Variants in G6PC1 observed in about 807,000 individuals in gnomAD.
The protein encoded by G6PC1 is glucose-6-phosphatase catalytic subunit 1.
A neutral mutation model predicts 30.4 loss-of-function variants in G6PC1; 23 were observed. The observed-to-expected ratio is 0.76, with a 90% CI of 0.55 to 1.07. The LOEUF (loss-of-function observed/expected upper bound fraction) is 1.07. Ranked by LOEUF, G6PC1 falls within the 50% of genes least tolerant of loss-of-function variation. The pLI is 0.00. For synonymous variants in G6PC1, 163 were observed against 175.6 expected, an observed-to-expected ratio of 0.93 and a Z score of 0.57; for missense variants, 391 against 433.9, an observed-to-expected ratio of 0.90 and a Z score of 0.88.
intron 1 of G6PC1, 54 bp downstream of exon 1, chr17:42,901,160 C>T (rs1597986964): frequency 4.8e-6 from 7 of 1,463,166 alleles, no homozygotes; most frequent in Admixed American, 3.3e-5. Context: ...CATTCGCTCT[C>T]GCAATGTCTG....
At chr17:42,901,218 C>G in intron 1 of G6PC1, 112 bp downstream of exon 1, 1 of 888,530 alleles carries the variant, frequency 1.1e-6, no homozygotes, top group Non-Finnish European at 1.9e-6. Flanking sequence ...CCACGGGCTA[C>G]TCATGCTTCC....
chr17:42,909,159 T>C lies in G6PC1; in HGVS notation c.447-144T>C, dbSNP rs902541859. 13 of 769,386 alleles carry C rather than the reference T, an allele frequency of 1.7e-5. No individual in the cohort carries two copies. In the African/African-American group the frequency reaches 2.2e-4, roughly 13 times the overall value. 47.7% of individuals were successfully genotyped at this position (769,386 alleles called of 1,614,324 possible). ...GCACCCAGCCCCCAACAGGCATCTT[T>C]GGACTTTTGAGTACTGGCTTTAATT... On this transcript the variant is annotated intron_variant, in intron 3 of 4. Transcript: ENST00000253801.
chr17:42,911,588 T>G lies in G6PC1; in HGVS notation c.*162T>G. ...ATGGCAGATTGGAGGGTCGCCTGGC[T>G]TATTCCCATGTGTGACTCCAGCCTG... On this transcript the variant is annotated 3_prime_UTR_variant, in exon 5 of 5. Coordinates refer to ENST00000253801, the MANE Select transcript of G6PC1 (RefSeq NM_000151.4). 4.8e-6 allele frequency: 5 copies of G among 1,048,494 alleles called. No individual in the cohort carries two copies. The highest frequency in any genetic ancestry group is 7.0e-6 in the Non-Finnish European group (5 of 711,778). 64.9% of individuals were successfully genotyped at this position (1,048,494 alleles called of 1,614,324 possible). A position where few individuals can be genotyped will look rare whatever the true frequency, so the allele number is the denominator to read the frequency against.
At chr17:42,910,783 C>T in intron 4 of G6PC1, 132 bp from the exon 5 acceptor site, 1 of 867,620 alleles carries the variant, frequency 1.2e-6, no homozygotes, top group South Asian at 1.4e-5. Context: ...CCAGGCGACC[C>T]TCCCATCTGC....
At position 42,903,080 on chromosome 17, in the gene G6PC1, A is replaced by ATT. The variant is rs1260008776; in HGVS notation, c.231-833_231-832dup. Among the ~76,000 whole-genome samples the ATT allele has an allele frequency of 8.7e-4, 110 of 126,640 alleles. 1 individual carries two copies. Among genetic ancestry groups the ATT allele is most frequent in the Middle Eastern group, 9.5e-3 (2 of 210 alleles). 83.1% of individuals were successfully genotyped at this position (126,640 alleles called of 152,430 possible). On this transcript the variant is annotated intron_variant, in intron 1 of 4. Transcript: ENST00000253801. ...TAGCTGCCATTTTATGGATTTCAGG[A>ATT]TTTTTTTTTTTTTTTTTTTGAGATG...
Position 42,900,924 on chromosome 17 carries a change from A to G in G6PC1, c.48A>G (p.Thr16=), listed in dbSNP as rs1336371097. 6.2e-7 allele frequency: 1 copy of G among 1,614,154 alleles called. No homozygotes were observed. The highest frequency in any genetic ancestry group is 8.5e-7 in the Non-Finnish European group (1 of 1,180,022). Residue 16 remains threonine, a synonymous_variant, in exon 1 of 5, where the codon ACA becomes ACG. Coordinates refer to ENST00000253801, the MANE Select transcript of G6PC1 (RefSeq NM_000151.4). ...NVLHDFGIQS[T]HYLQVNYQDS... is the part of the protein sequence containing the mutation. ...TCCATGACTTTGGGATCCAGTCAAC[A>G]CATTACCTCCAGGTGAATTACCAAG... is the stretch of plus-strand genomic sequence containing the variant.
intron 1 of G6PC1, among the ~76,000 whole-genome samples, chr17:42,901,869 A>T (rs963661299): frequency 1.3e-5 from 2 of 152,204 alleles, no homozygotes; most frequent in Non-Finnish European, 2.9e-5. Flanking sequence ...CATATCAATT[A>T]TCTGAGTTTC....
intron 1 of G6PC1, among the ~76,000 whole-genome samples, chr17:42,903,543 G>C (rs139937249): frequency 1.3e-5 from 2 of 151,656 alleles, no homozygotes; most frequent in African/African-American, 4.8e-5. Flanking sequence ...GTGAAACCCC[G>C]TCTCTACTAA....
chr17:42,905,465 C>T (rs1372967816), intron 2 of G6PC1, among the ~76,000 whole-genome samples: 3 of 129,094 alleles, frequency 2.3e-5, no homozygotes, highest in Non-Finnish European at 4.8e-5. Context: ...CACACACACA[C>T]ACACACACAC....
In G6PC1 at chr17:42,912,454, G is replaced by A. The variant is rs1178671294; in HGVS notation, c.*1028G>A. 2 of 152,414 alleles carry A rather than the reference G, an allele frequency of 1.3e-5. No individual in the cohort carries two copies. The highest frequency in any genetic ancestry group is 4.8e-5 in the African/African-American group (2 of 41,388). The allele number at this position is 152,414 out of a possible 1,614,324, so 9.4% of individuals were successfully genotyped here. On this transcript the variant is annotated 3_prime_UTR_variant, in exon 5 of 5. Transcript: ENST00000253801. ...TTCAGAAGGCTAGAGGGCGACTCTGGTGGTGCTTTTGTATGTTTCAATTAG... is the reference window on the plus strand; with the variant it reads ...TTCAGAAGGCTAGAGGGCGACTCTGATGGTGCTTTTGTATGTTTCAATTAG...
chr17:42,907,759 T>G (rs968151615), intron 3 of G6PC1, 131 bp downstream of exon 3: 10 of 703,838 alleles, frequency 1.4e-5, no homozygotes, highest in Non-Finnish European at 2.6e-6. Context: ...GATTAAGAGT[T>G]GTGGCACTTT....
chr17:42,911,355 CT>C lies in G6PC1; in HGVS notation c.1004del (p.Leu335ArgfsTer32). 1 of 1,614,198 alleles carries C rather than the reference CT, an allele frequency of 6.2e-7. No individual in the cohort carries two copies. Among genetic ancestry groups the C allele is most frequent in the Non-Finnish European group, 8.5e-7 (1 of 1,180,034 alleles). Reference sequence around the variant, plus strand: ...CTTCTGCAAGAGTGCGGTAGTGCCCCTGGCATCCGTCAGTGTCATCCCCTAC... The same window carrying C: ...CTTCTGCAAGAGTGCGGTAGTGCCCCGGCATCCGTCAGTGTCATCCCCTAC... ...LSFCKSAVVP[L>X]ASVSVIPYCL... is the part of the protein sequence containing the mutation. On this transcript the variant is annotated frameshift_variant, in exon 5 of 5. Transcript: ENST00000253801. LOFTEE classifies it high-confidence loss of function.
At chr17:42,901,534 G>A (rs1036724311) in intron 1 of G6PC1, among the ~76,000 whole-genome samples, 3 of 151,902 alleles carry the variant, frequency 2.0e-5, no homozygotes, top group East Asian at 1.9e-4. Context: ...GACCAGCCTG[G>A]GCAACATGGC....
chr17:42,902,665 C>T (rs976248138), intron 1 of G6PC1, among the ~76,000 whole-genome samples: 70 of 152,198 alleles, frequency 4.6e-4, no homozygotes, highest in Admixed American at 7.2e-4. Flanking sequence ...TCCCTGATTT[C>T]GGTGAGAAAT....
At chr17:42,910,106 C>T (rs1198389353) in intron 4 of G6PC1, among the ~76,000 whole-genome samples, 1 of 152,158 alleles carries the variant, frequency 6.6e-6, no homozygotes, top group African/African-American at 2.4e-5. Context: ...CCGCCTCGGC[C>T]TCCCAAAGCG....
At chr17:42,902,494 C>T (rs1178489974) in intron 1 of G6PC1, among the ~76,000 whole-genome samples, 1 of 152,156 alleles carries the variant, frequency 6.6e-6, no homozygotes, top group Admixed American at 6.6e-5. Flanking sequence ...CATGATCTGC[C>T]TGCCTTGGCC....
intron 2 of G6PC1, among the ~76,000 whole-genome samples, chr17:42,904,509 T>G (rs2056046764): frequency 6.6e-6 from 1 of 152,182 alleles, no homozygotes; most frequent in African/African-American, 2.4e-5. Flanking sequence ...AGCCCCTCCC[T>G]CACCCTAAAG....
intron 2 of G6PC1, among the ~76,000 whole-genome samples, chr17:42,906,786 G>T (rs1257954955): frequency 6.6e-6 from 1 of 152,112 alleles, no homozygotes; most frequent in African/African-American, 2.4e-5. Context: ...GGGCTGAGGT[G>T]GGAGGATTGC....
rs780134732 is a variant in G6PC1, at chr17:42,901,120, A to G, written c.230+14A>G. ...CGTCTTTAAGTGGTAAGAACCATAT[A>G]GAGAGGAGATCAGCAAGAAAAGAGG... On this transcript the variant is annotated intron_variant, in intron 1 of 4. Coordinates refer to ENST00000253801, the MANE Select transcript of G6PC1 (RefSeq NM_000151.4). 1.9e-6 allele frequency: 3 copies of G among 1,599,610 alleles called. No individual in the cohort carries two copies. The highest frequency in any genetic ancestry group is 1.7e-4 in the Middle Eastern group (1 of 6,040).
Sources: gnomAD v4.1 joint callset for allele counts (sites outside exome capture counted in the v4.1 genomes callset) on GRCh38, gnomAD v4.1.1 for gene constraint, MANE v1.5 for transcripts, NCBI Gene and HGNC (gene_info 2026-07-23, HGNC 2026-07-21) for gene names.